Variants in KATNBL1 observed in about 807,000 individuals in gnomAD.
KATNBL1 encodes KATNB1-like protein 1.
A neutral mutation model predicts 44.7 loss-of-function variants in KATNBL1; 28 were observed. That is an observed-to-expected ratio of 0.63 (90% CI 0.46 to 0.86). The LOEUF (loss-of-function observed/expected upper bound fraction) is 0.86, where lower values mean the gene tolerates loss of function less well. KATNBL1 is among the 40% of genes least tolerant of loss of function. The probability of loss-of-function intolerance (pLI) is 0.00; values close to 1 mark genes in which losing one functional copy is unlikely to be tolerated. For missense variants in KATNBL1, 272 were observed against 350.7 expected, an observed-to-expected ratio of 0.78 and a Z score of 1.79; for synonymous variants, 78 against 114.9, an observed-to-expected ratio of 0.68 and a Z score of 2.06.
At chr15:34,190,119 T>G (rs372728714) in intron 1 of KATNBL1, among the ~76,000 whole-genome samples, 1 of 152,152 alleles carries the variant, frequency 6.6e-6, no homozygotes, top group Admixed American at 6.5e-5. Context: ...TAATTTTTTG[T>G]ATTTTTAGTA....
At chr15:34,162,302 G>A (rs893876523) in intron 2 of KATNBL1, among the ~76,000 whole-genome samples, 36 of 152,240 alleles carry the variant, frequency 2.4e-4, no homozygotes, top group African/African-American at 6.0e-4. Context: ...TAAGTCTCAC[G>A]AGATCTGATG....
chr15:34,173,185 C>T (rs1242631578), intron 1 of KATNBL1, among the ~76,000 whole-genome samples: 1 of 150,974 alleles, frequency 6.6e-6, no homozygotes, highest in Non-Finnish European at 1.5e-5. Flanking sequence ...GAGTACAAGA[C>T]AGTAAAAGAG....
intron 1 of KATNBL1, among the ~76,000 whole-genome samples, chr15:34,205,415 G>A (rs1292182222): frequency 1.3e-5 from 2 of 152,170 alleles, no homozygotes; most frequent in Non-Finnish European, 2.9e-5. Flanking sequence ...ATTAAGTGTA[G>A]CACAGGGAAT....
At chr15:34,166,705 T>C (rs1422449305) in intron 1 of KATNBL1, among the ~76,000 whole-genome samples, 2 of 152,134 alleles carry the variant, frequency 1.3e-5, no homozygotes, top group Non-Finnish European at 2.9e-5. Flanking sequence ...TGACACCTCA[T>C]ACAGGTGGGT....
rs191667863 is a variant in KATNBL1, at chr15:34,154,822, G to T, written c.118-138C>A. ...GGTGCCAATCGTGCCTGGAGTGGTCGCAAGAGCATACCGGGCATGGGAGGA... is the reference window on the plus strand; with the variant it reads ...GGTGCCAATCGTGCCTGGAGTGGTCTCAAGAGCATACCGGGCATGGGAGGA... On this transcript the variant is annotated intron_variant, in intron 2 of 9. Transcript: ENST00000256544. The T allele has an allele frequency of 3.2e-4, 204 of 646,150 alleles. No individual in the cohort carries two copies. In the African/African-American group the frequency reaches 3.6e-3, roughly 11 times the overall value. 40.0% of individuals were successfully genotyped at this position (646,150 alleles called of 1,614,324 possible). A position where few individuals can be genotyped will look rare whatever the true frequency, so the allele number is the denominator to read the frequency against.
At chr15:34,167,528 T>C (rs1413429331) in intron 1 of KATNBL1, among the ~76,000 whole-genome samples, 1 of 152,088 alleles carries the variant, frequency 6.6e-6, no homozygotes, top group East Asian at 1.9e-4. Flanking sequence ...CTCTTCAGGG[T>C]ATTATTCAGT....
At chr15:34,153,952 A>G (rs1015159517) in intron 3 of KATNBL1, among the ~76,000 whole-genome samples, 2 of 152,248 alleles carry the variant, frequency 1.3e-5, no homozygotes, top group Non-Finnish European at 2.9e-5. Context: ...ATTCAAAAAA[A>G]GACTAATTAC....
At chr15:34,206,024 A>G (rs1890285236) in intron 1 of KATNBL1, among the ~76,000 whole-genome samples, 1 of 152,212 alleles carries the variant, frequency 6.6e-6, no homozygotes, top group Admixed American at 6.5e-5. Flanking sequence ...ACACCCCTCA[A>G]TAAGTAACTA....
chr15:34,206,732 G>A (rs183284016), intron 1 of KATNBL1, among the ~76,000 whole-genome samples: 24 of 151,756 alleles, frequency 1.6e-4, no homozygotes, highest in African/African-American at 5.6e-4. Context: ...TGGAGGTTGT[G>A]GTGAGTCAAG....
intron 1 of KATNBL1, among the ~76,000 whole-genome samples, chr15:34,182,770 A>C (rs539962084): frequency 1.3e-5 from 2 of 152,352 alleles, no homozygotes; most frequent in African/African-American, 4.8e-5. Flanking sequence ...TACATATTAC[A>C]TAACTTCATT....
chr15:34,155,005 TGCAGGTGACTAAGGATGACTAAGGACAGA>T (rs899931714), intron 2 of KATNBL1, among the ~76,000 whole-genome samples: 2 of 152,064 alleles, frequency 1.3e-5, no homozygotes, highest in African/African-American at 2.4e-5. Flanking sequence ...ATGGTTACAG[TGCAGGTGACTAAGGATGACTAAGGACAGA>T]GCAGGTGACT....
At chr15:34,196,405 G>A (rs987079848) in intron 1 of KATNBL1, among the ~76,000 whole-genome samples, 4 of 151,600 alleles carry the variant, frequency 2.6e-5, no homozygotes, top group African/African-American at 7.3e-5. Flanking sequence ...GCAACAGAGC[G>A]AGACTTTGTC....
chr15:34,155,648 T>A (rs1163263233), intron 2 of KATNBL1, among the ~76,000 whole-genome samples: 2 of 152,208 alleles, frequency 1.3e-5, no homozygotes, highest in Non-Finnish European at 2.9e-5. Flanking sequence ...TGAGTTTTAA[T>A]CATGATGCAA....
chr15:34,169,002 G>A lies in KATNBL1; in HGVS notation c.-14-5312C>T, dbSNP rs958600827. Among the ~76,000 whole-genome samples the A allele has an allele frequency of 2.1e-4, 32 of 150,900 alleles. 1 individual carries two copies. Among genetic ancestry groups the A allele is most frequent in the Admixed American group, 1.1e-3 (16 of 15,184 alleles). On this transcript the variant is annotated intron_variant, in intron 1 of 9. Transcript: ENST00000256544. ...GAGAAAGCAGGAAAGATCTACAATCGACATGCTAAAATCACAATCAAAAGA... is the reference window on the plus strand; with the variant it reads ...GAGAAAGCAGGAAAGATCTACAATCAACATGCTAAAATCACAATCAAAAGA...
chr15:34,178,849 C>T (rs562113834), intron 1 of KATNBL1, among the ~76,000 whole-genome samples: 4 of 151,714 alleles, frequency 2.6e-5, no homozygotes, highest in Non-Finnish European at 4.4e-5. Flanking sequence ...AGGGCCTGTA[C>T]GTACTGATTC....
intron 1 of KATNBL1, among the ~76,000 whole-genome samples, chr15:34,185,516 A>G (rs1312451357): frequency 6.6e-6 from 1 of 152,226 alleles, no homozygotes; most frequent in Non-Finnish European, 1.5e-5. Flanking sequence ...ATCAATGATT[A>G]TTAGATTAGT....
rs551425378 is a variant in KATNBL1 at position 34,164,319 on chromosome 15, T to C, written c.-14-629A>G. 7.2e-5 allele frequency among the ~76,000 whole-genome samples: 11 copies of C among 152,274 alleles called. No homozygotes were observed. In the East Asian group the frequency reaches 2.1e-3, roughly 29 times the overall value. On this transcript the variant is annotated intron_variant, in intron 1 of 9. Coordinates refer to ENST00000256544, the MANE Select transcript of KATNBL1 (RefSeq NM_024713.3). ...TTTAATAAACACACAGGTTATGAAA[T>C]AAGGTGTATAAGGTGGTGGTATCTA... is the stretch of plus-strand genomic sequence containing the variant.
intron 1 of KATNBL1, among the ~76,000 whole-genome samples, chr15:34,167,044 A>G (rs147956336): frequency 7.7e-4 from 117 of 152,338 alleles, no homozygotes; most frequent in African/African-American, 2.6e-3. Flanking sequence ...CTTCTCCACC[A>G]AAGGAACACA....
At chr15:34,145,262 T>C (rs1444022282) in intron 9 of KATNBL1, 136 bp downstream of exon 9, 3 of 1,424,436 alleles carry the variant, frequency 2.1e-6, no homozygotes, top group Middle Eastern at 1.9e-4. Context: ...CCTGAAGCAT[T>C]TGAAAATATG....
Sources: allele counts gnomAD v4.1 joint callset (sites outside exome capture counted in the v4.1 genomes callset), GRCh38; gene constraint gnomAD v4.1.1; transcripts MANE v1.5; gene names NCBI Gene and HGNC (gene_info 2026-07-23, HGNC 2026-07-21).